NFATC2: variants seen among roughly 807,000 people sequenced by gnomAD.
NFATC2 encodes the protein nuclear factor of activated T-cells, cytoplasmic 2.
NFATC2 carries 22 observed loss-of-function variants against 87.3 expected under a neutral mutation model. The ratio of observed to expected loss-of-function variants is 0.25; its 90% CI spans 0.18 to 0.36. The LOEUF (loss-of-function observed/expected upper bound fraction) is 0.36, where lower values mean the gene tolerates loss of function less well. NFATC2 is among the 10% of genes least tolerant of loss of function. The pLI is 1.00. For synonymous variants in NFATC2, 565 were observed against 542.2 expected (o/e 1.04, Z -0.58); for missense variants, 1,149 against 1,259.1 (o/e 0.91, Z 1.32).
intron 9 of NFATC2, among the ~76,000 whole-genome samples, chr20:51,413,567 G>A (rs992551592): frequency 2.6e-5 from 4 of 152,084 alleles, no homozygotes; most frequent in Non-Finnish European, 4.4e-5. Flanking sequence ...AGACCAGCCC[G>A]GGCAACATAG....
rs1013839051 is a variant in NFATC2 at position 51,507,112 on chromosome 20, G to A, written c.1332+9672C>T. 2.0e-5 allele frequency among the ~76,000 whole-genome samples: 3 copies of A among 152,228 alleles called. No individual in the cohort carries two copies. The East Asian group carries it at 5.8e-4, about 29-fold the overall frequency. ...CCCATGCCTGGGGCGTGATGCTGCT[G>A]CCAGCAGGTGGATGAATGAGTGAGT... On this transcript the variant is annotated intron_variant, in intron 3 of 10. Transcript: ENST00000371564.
At chr20:51,423,291 CAAAAAAA>C (rs71192527) in intron 9 of NFATC2, among the ~76,000 whole-genome samples, 11 of 62,854 alleles carry the variant, frequency 1.8e-4, no homozygotes, top group Admixed American at 6.6e-4. Context: ...GACCCTCTCT[CAAAAAAA>C]AAAAAAAAAA....
intron 3 of NFATC2, among the ~76,000 whole-genome samples, chr20:51,497,266 T>G (rs2076004287): frequency 6.6e-6 from 1 of 152,116 alleles, no homozygotes; most frequent in Non-Finnish European, 1.5e-5. Context: ...GGGTCCAAAG[T>G]CAAGGTGCAC....
chr20:51,428,463 C>G (rs1982185086), intron 9 of NFATC2, among the ~76,000 whole-genome samples: 1 of 152,180 alleles, frequency 6.6e-6, no homozygotes, highest in Non-Finnish European at 1.5e-5. Context: ...GTGGAGAAAG[C>G]AGAAGGAGCG....
chr20:51,519,644 G>A (rs374965472), intron 2 of NFATC2, among the ~76,000 whole-genome samples: 39 of 149,380 alleles, frequency 2.6e-4, no homozygotes, highest in African/African-American at 9.1e-4. Context: ...GACCGGGTGC[G>A]GTGGCTCACA....
chr20:51,404,360 C>T (rs1032992171), intron 9 of NFATC2, among the ~76,000 whole-genome samples: 1 of 152,192 alleles, frequency 6.6e-6, no homozygotes. Context: ...CTATTCCCAG[C>T]TTCTAAGGCT....
At chr20:51,491,332 G>C (rs1398302511) in intron 3 of NFATC2, among the ~76,000 whole-genome samples, 1 of 152,012 alleles carries the variant, frequency 6.6e-6, no homozygotes, top group Admixed American at 6.5e-5. Context: ...AAAATGTAAT[G>C]TATTTTCCCA....
At chr20:51,396,038 GTATATATATATATA>G (rs1161908517) in intron 10 of NFATC2, among the ~76,000 whole-genome samples, 653 of 20,918 alleles carry the variant, frequency 0.031, 6 homozygotes, top group Admixed American at 0.04. Flanking sequence ...CTCCTAGTAT[GTATATATATATATA>G]TATATATATA....
chr20:51,479,082 C>G (rs1342288527), intron 3 of NFATC2, among the ~76,000 whole-genome samples: 1 of 152,108 alleles, frequency 6.6e-6, no homozygotes, highest in African/African-American at 2.4e-5. Context: ...ATATTTACAC[C>G]ACAAAAATTG....
intron 5 of NFATC2, among the ~76,000 whole-genome samples, chr20:51,469,521 C>T (rs923276667): frequency 5.9e-5 from 9 of 152,088 alleles, no homozygotes; most frequent in African/African-American, 1.9e-4. Flanking sequence ...ACCCCCTACC[C>T]GACTCCTCCT....
At chr20:51,391,525 T>G in intron 10 of NFATC2, 74 bp from the exon 11 acceptor site, 3 of 1,487,478 alleles carry the variant, frequency 2.0e-6, no homozygotes, top group Non-Finnish European at 2.8e-6. Flanking sequence ...TGCATCAGGT[T>G]CACTTTCTAG....
chr20:51,418,915 C>A (rs751673151), intron 9 of NFATC2, among the ~76,000 whole-genome samples: 3 of 151,624 alleles, frequency 2.0e-5, no homozygotes, highest in Non-Finnish European at 4.4e-5. Context: ...CTGCCTGCCT[C>A]GGCTTCCCAA....
At chr20:51,405,749 A>G (rs939897803) in intron 9 of NFATC2, among the ~76,000 whole-genome samples, 1 of 152,134 alleles carries the variant, frequency 6.6e-6, no homozygotes, top group Admixed American at 6.5e-5. Context: ...TAAAAATCTC[A>G]AGGAGGAATG....
At chr20:51,544,232 C>A (rs2076869826), upstream of NFATC2, among the ~76,000 whole-genome samples, 1 of 151,884 alleles carries the variant, frequency 6.6e-6, no homozygotes, top group African/African-American at 2.4e-5. Flanking sequence ...CGTGATCCAC[C>A]CGCCTCGGCC....
intron 3 of NFATC2, among the ~76,000 whole-genome samples, chr20:51,486,821 C>T (rs1253000575): frequency 1.3e-5 from 2 of 152,036 alleles, no homozygotes; most frequent in African/African-American, 4.8e-5. Context: ...TTGGAGTCTG[C>T]CTAAGCTCAC....
At chr20:51,393,993 G>A (rs779072524) in intron 10 of NFATC2, among the ~76,000 whole-genome samples, 44 of 150,648 alleles carry the variant, frequency 2.9e-4, no homozygotes, top group Non-Finnish European at 5.3e-4. Context: ...AAATGGTCCT[G>A]CTTTCTGGGA....
At chr20:51,423,398 C>A (rs1167669979) in intron 9 of NFATC2, among the ~76,000 whole-genome samples, 1 of 151,676 alleles carries the variant, frequency 6.6e-6, no homozygotes, top group Non-Finnish European at 1.5e-5. Context: ...AAAACCATCA[C>A]CTGAGTGGCG....
At position 51,452,024 on chromosome 20, in the gene NFATC2, C is replaced by A. The variant is rs564428236; in HGVS notation, c.1849+2524G>T. Among the ~76,000 whole-genome samples the A allele has an allele frequency of 3.3e-5, 5 of 152,308 alleles. No homozygotes were observed. The South Asian group carries it at 1.0e-3, about 32-fold the overall frequency. ...CCATCTCCCCAACCCTTGAAAAGAA[C>A]TGTCTTCCATGCAACTGGTCCCTGG... On this transcript the variant is annotated intron_variant, in intron 6 of 10. Transcript: ENST00000371564.
At chr20:51,519,914 T>TA (rs764620449) in intron 2 of NFATC2, among the ~76,000 whole-genome samples, 1,292 of 128,438 alleles carry the variant, frequency 0.01, 9 homozygotes, top group East Asian at 0.032. Flanking sequence ...AGACTCCATC[T>TA]AAAAAAAAAA....
Sources: gnomAD v4.1 joint callset for allele counts (sites outside exome capture counted in the v4.1 genomes callset) on GRCh38, gnomAD v4.1.1 for gene constraint, MANE v1.5 for transcripts, NCBI Gene and HGNC (gene_info 2026-07-23, HGNC 2026-07-21) for gene names.